MTUS2: variants seen among roughly 807,000 people sequenced by gnomAD.
The protein encoded by MTUS2 is microtubule-associated tumor suppressor candidate 2.
In MTUS2, 40 loss-of-function variants were observed where a neutral mutation model predicts 114.1. The observed-to-expected ratio is 0.35, with a 90% CI of 0.27 to 0.46. The LOEUF (loss-of-function observed/expected upper bound fraction) is 0.46, where lower values mean the gene tolerates loss of function less well. Ranked by LOEUF, MTUS2 falls within the 20% of genes least tolerant of loss-of-function variation. MTUS2 has a pLI of 1.00. For synonymous variants in MTUS2, 688 were observed against 672.0 expected (o/e 1.02, Z -0.37); for missense variants, 1,679 against 1,705.4 (o/e 0.98, Z 0.27).
At chr13:28,965,389 C>G (rs924357807) in intron 2 of MTUS2, among the ~76,000 whole-genome samples, 5 of 152,092 alleles carry the variant, frequency 3.3e-5, no homozygotes, top group African/African-American at 1.2e-4. Context: ...ATTTCTCATT[C>G]CTGTCTACAC....
chr13:29,177,839 T>C (rs1054512674), intron 5 of MTUS2, among the ~76,000 whole-genome samples: 5 of 152,128 alleles, frequency 3.3e-5, no homozygotes, highest in Non-Finnish European at 7.4e-5. Context: ...GACCCTGAGC[T>C]ACACCTTCTA....
chr13:29,318,373 C>T (rs1900101514), intron 6 of MTUS2, among the ~76,000 whole-genome samples: 1 of 90,996 alleles, frequency 1.1e-5, no homozygotes, highest in Non-Finnish European at 2.2e-5. Context: ...TAGCTATTAT[C>T]ATTTGTTATT....
At chr13:28,859,382 A>C (rs899425509) in intron 2 of MTUS2, among the ~76,000 whole-genome samples, 2 of 152,180 alleles carry the variant, frequency 1.3e-5, no homozygotes, top group Admixed American at 6.5e-5. Context: ...TTGGGGACTA[A>C]CTCATGGACC....
intron 1 of MTUS2, among the ~76,000 whole-genome samples, chr13:28,825,292 G>T (rs1209110973): frequency 2.0e-5 from 3 of 152,162 alleles, no homozygotes; most frequent in Non-Finnish European, 4.4e-5. Flanking sequence ...GAAAGAGGCT[G>T]GGGGCAAGCT....
At chr13:29,178,140 G>A (rs575016670) in intron 5 of MTUS2, among the ~76,000 whole-genome samples, 4 of 152,192 alleles carry the variant, frequency 2.6e-5, no homozygotes, top group African/African-American at 7.2e-5. Context: ...AATTTACAGC[G>A]AACTACCGGG....
chr13:29,220,507 A>T (rs1315379509), intron 5 of MTUS2, among the ~76,000 whole-genome samples: 1 of 152,170 alleles, frequency 6.6e-6, no homozygotes, highest in East Asian at 1.9e-4. Context: ...GTAGGTTATT[A>T]ATTGGCCTAA....
chr13:29,472,234 C>G (rs1465803756), intron 9 of MTUS2, among the ~76,000 whole-genome samples: 2 of 152,132 alleles, frequency 1.3e-5, no homozygotes, highest in African/African-American at 4.8e-5. Flanking sequence ...CATGGCCAGG[C>G]TGGTCTCCAT....
chr13:29,492,963 A>C (rs768295764), intron 12 of MTUS2, among the ~76,000 whole-genome samples: 4 of 152,242 alleles, frequency 2.6e-5, no homozygotes, highest in African/African-American at 4.8e-5. Flanking sequence ...CAGTTGGTGA[A>C]TGCTACAGAC....
intron 8 of MTUS2, among the ~76,000 whole-genome samples, chr13:29,388,286 C>T (rs1872768431): frequency 6.6e-6 from 1 of 152,132 alleles, no homozygotes; most frequent in Admixed American, 6.5e-5. Context: ...AAGATGGAGT[C>T]GGGGAGGTTG....
At chr13:28,936,296 A>C (rs535223661) in intron 2 of MTUS2, among the ~76,000 whole-genome samples, 1 of 152,132 alleles carries the variant, frequency 6.6e-6, no homozygotes, top group Non-Finnish European at 1.5e-5. Context: ...CTTGGTTTAT[A>C]AGTTTTCTTC....
At chr13:29,033,835 C>T (rs756638875) in intron 3 of MTUS2, 50 bp from the exon 4 acceptor site, 3 of 1,607,570 alleles carry the variant, frequency 1.9e-6, no homozygotes, top group South Asian at 2.2e-5. Context: ...GTATAGAACT[C>T]ACACTATGAT....
intron 8 of MTUS2, among the ~76,000 whole-genome samples, chr13:29,400,137 A>T (rs965567288): frequency 1.3e-5 from 2 of 152,228 alleles, no homozygotes; most frequent in Non-Finnish European, 2.9e-5. Context: ...GCTTTCAAAA[A>T]TCAAGAGATT....
At chr13:28,937,442 C>T (rs1348485285) in intron 2 of MTUS2, among the ~76,000 whole-genome samples, 1 of 152,108 alleles carries the variant, frequency 6.6e-6, no homozygotes, top group Non-Finnish European at 1.5e-5. Flanking sequence ...CCGCTGAGGT[C>T]CCCTTCCACA....
At chr13:28,831,545 GACA>G (rs1258350709) in intron 1 of MTUS2, among the ~76,000 whole-genome samples, 4 of 114,136 alleles carry the variant, frequency 3.5e-5, no homozygotes, top group Non-Finnish European at 6.2e-5. Flanking sequence ...TATTGCAGAA[GACA>G]AAGAAGGTCA....
At chr13:28,841,694 G>GTT (rs1221305141) in intron 2 of MTUS2, among the ~76,000 whole-genome samples, 2 of 147,254 alleles carry the variant, frequency 1.4e-5, no homozygotes, top group East Asian at 2.0e-4. Flanking sequence ...TTGTTTTTTT[G>GTT]TTTTTTTTTT....
At chr13:29,470,521 C>G (rs901491380) in intron 9 of MTUS2, among the ~76,000 whole-genome samples, 1 of 152,234 alleles carries the variant, frequency 6.6e-6, no homozygotes, top group Admixed American at 6.5e-5. Context: ...CTGAATCTCA[C>G]CACCTGGGCT....
chr13:29,089,155 C>G (rs1379381853), intron 4 of MTUS2, among the ~76,000 whole-genome samples: 2 of 152,160 alleles, frequency 1.3e-5, no homozygotes, highest in Non-Finnish European at 2.9e-5. Context: ...CTGGTGGTAA[C>G]AATTTTCCCT....
chr13:29,033,354 C>G (rs944211336), intron 3 of MTUS2, among the ~76,000 whole-genome samples: 1 of 152,076 alleles, frequency 6.6e-6, no homozygotes, highest in Non-Finnish European at 1.5e-5. Flanking sequence ...CCATTAACTT[C>G]CCTATTTTTC....
intron 2 of MTUS2, among the ~76,000 whole-genome samples, chr13:28,948,864 A>G (rs1410787280): frequency 6.6e-6 from 1 of 152,172 alleles, no homozygotes; most frequent in Admixed American, 6.5e-5. Context: ...TCAGATCTCA[A>G]GTACGGGTTG....
Sources: allele counts gnomAD v4.1 joint callset (sites outside exome capture counted in the v4.1 genomes callset), GRCh38; gene constraint gnomAD v4.1.1; transcripts MANE v1.5; gene names NCBI Gene and HGNC (gene_info 2026-07-23, HGNC 2026-07-21).